Variants in ATG10 observed in about 807,000 individuals in gnomAD.
The protein encoded by ATG10 is ubiquitin-like-conjugating enzyme ATG10.
Under a neutral mutation model 32.1 loss-of-function variants are expected in ATG10, and 30 were observed. The observed-to-expected ratio is 0.94, with a 90% CI of 0.70 to 1.27. ATG10 has a LOEUF of 1.27. Among genes scored for constraint, ATG10 ranks in the 50% most tolerant of loss-of-function variants. The probability of loss-of-function intolerance (pLI) is 0.00; values close to 1 mark genes in which losing one functional copy is unlikely to be tolerated. For synonymous variants in ATG10, 87 were observed against 91.5 expected (o/e 0.95, Z 0.28); for missense variants, 233 against 262.3 (o/e 0.89, Z 0.77).
At chr5:82,007,529 T>C (rs1762016934) in intron 2 of ATG10, among the ~76,000 whole-genome samples, 1 of 152,186 alleles carries the variant, frequency 6.6e-6, no homozygotes. Flanking sequence ...TTCGGTTCAC[T>C]GCAGTCTCCG....
chr5:82,146,595 C>G (rs565295570), intron 3 of ATG10, among the ~76,000 whole-genome samples: 3 of 150,790 alleles, frequency 2.0e-5, no homozygotes, highest in East Asian at 3.9e-4. Context: ...GTCCCAAATA[C>G]TTTGTTCATT....
chr5:82,170,579 A>G (rs1475483343), intron 4 of ATG10, among the ~76,000 whole-genome samples: 1 of 152,212 alleles, frequency 6.6e-6, no homozygotes, highest in Admixed American at 6.5e-5. Context: ...GAGGAAAGCC[A>G]GGAATACAAA....
chr5:82,208,129 C>T (rs1745368988), intron 5 of ATG10, among the ~76,000 whole-genome samples: 10 of 152,168 alleles, frequency 6.6e-5, no homozygotes, highest in African/African-American at 2.4e-5. Context: ...AAAGTTTCCA[C>T]ATGTTCTTGG....
At chr5:82,095,902 G>A (rs1765041545) in intron 3 of ATG10, among the ~76,000 whole-genome samples, 1 of 152,140 alleles carries the variant, frequency 6.6e-6, no homozygotes, top group Non-Finnish European at 1.5e-5. Context: ...AAAATTAACA[G>A]GCATTAATGA....
At chr5:81,983,420 C>T (rs1021055433) in intron 1 of ATG10, among the ~76,000 whole-genome samples, 2 of 144,814 alleles carry the variant, frequency 1.4e-5, no homozygotes, top group African/African-American at 2.6e-5. Flanking sequence ...GGCTGACTCC[C>T]CCACCTCCCT....
At chr5:82,131,022 C>T (rs1256039251) in intron 3 of ATG10, among the ~76,000 whole-genome samples, 3 of 151,996 alleles carry the variant, frequency 2.0e-5, no homozygotes, top group Admixed American at 6.6e-5. Flanking sequence ...AGCTAAGCAT[C>T]GAACACACAT....
At chr5:82,082,156 G>T (rs764753162) in intron 3 of ATG10, among the ~76,000 whole-genome samples, 7 of 152,084 alleles carry the variant, frequency 4.6e-5, no homozygotes, top group Non-Finnish European at 7.3e-5. Context: ...AGATTTGGGG[G>T]GGGGGACACA....
intron 3 of ATG10, among the ~76,000 whole-genome samples, chr5:82,079,705 T>A (rs1447131479): frequency 6.6e-6 from 1 of 152,186 alleles, no homozygotes; most frequent in African/African-American, 2.4e-5. Context: ...TCATCCTTTT[T>A]TATGGCTGCA....
At chr5:82,170,923 G>A (rs889738442) in intron 4 of ATG10, among the ~76,000 whole-genome samples, 2 of 152,066 alleles carry the variant, frequency 1.3e-5, no homozygotes, top group Non-Finnish European at 2.9e-5. Context: ...GTGACAGAGC[G>A]AGACTCTGTC....
intron 5 of ATG10, among the ~76,000 whole-genome samples, chr5:82,237,764 A>G (rs1019191875): frequency 6.6e-6 from 1 of 152,074 alleles, no homozygotes; most frequent in African/African-American, 2.4e-5. Flanking sequence ...CAACCAGCCT[A>G]TCATATATAA....
intron 2 of ATG10, among the ~76,000 whole-genome samples, chr5:81,989,229 C>A (rs1333965553): frequency 6.6e-6 from 1 of 152,176 alleles, no homozygotes. Flanking sequence ...AGTGATGAAT[C>A]CTGATTCTCT....
intron 3 of ATG10, among the ~76,000 whole-genome samples, chr5:82,157,464 C>T (rs2407063): frequency 0.24 from 36,712 of 151,726 alleles, 4,731 homozygotes; most frequent in South Asian, 0.36. Context: ...CAGTCACTTA[C>T]TCAGAAGCCA....
In ATG10 at chr5:82,132,295, A is replaced by T. The variant is rs1211495249; in HGVS notation, c.217-32104A>T. Among the ~76,000 whole-genome samples, 3 of 152,104 alleles carry T rather than the reference A, an allele frequency of 2.0e-5. No individual in the cohort carries two copies. In the East Asian group the frequency reaches 5.8e-4, roughly 29 times the overall value. Reference sequence around the variant, plus strand: ...TTTAAGTTCCGGGATACATGTGCAGAATGTGCAGGTTTGTTACATAGGTAT... The same window carrying T: ...TTTAAGTTCCGGGATACATGTGCAGTATGTGCAGGTTTGTTACATAGGTAT... On this transcript the variant is annotated intron_variant, in intron 3 of 7. Coordinates refer to ENST00000282185, the MANE Select transcript of ATG10 (RefSeq NM_031482.5).
At position 82,136,324 on chromosome 5, in the gene ATG10, C is replaced by T. The variant is rs537183300; in HGVS notation, c.217-28075C>T. 1.5e-3 allele frequency among the ~76,000 whole-genome samples: 235 copies of T among 152,156 alleles called. 2 individuals are homozygous for T. Among genetic ancestry groups the T allele is most frequent in the South Asian group, 6.8e-3 (33 of 4,820 alleles). ...TCATGCAGTTTCTTCATAGTGTCGA[C>T]GGTCTTTACAATTTGATATGTTTTT... is the stretch of plus-strand genomic sequence containing the variant. On this transcript the variant is annotated intron_variant, in intron 3 of 7. Transcript: ENST00000282185.
Position 82,094,132 on chromosome 5 carries a change from C to T in ATG10, c.216+35530C>T, listed in dbSNP as rs182595136. On this transcript the variant is annotated intron_variant, in intron 3 of 7. Coordinates refer to ENST00000282185, the MANE Select transcript of ATG10 (RefSeq NM_031482.5). ...GCGGGAAGCCTTATGGACTTTGCCTCGGTTATACCTTCTTGCACTGTGGCC... is the reference window on the plus strand; with the variant it reads ...GCGGGAAGCCTTATGGACTTTGCCTTGGTTATACCTTCTTGCACTGTGGCC... 2.2e-3 allele frequency among the ~76,000 whole-genome samples: 335 copies of T among 152,248 alleles called. 1 individual carries two copies. The highest frequency in any genetic ancestry group is 6.7e-3 in the African/African-American group (279 of 41,558).
chr5:82,234,129 T>A (rs918247332), intron 5 of ATG10, among the ~76,000 whole-genome samples: 1 of 152,170 alleles, frequency 6.6e-6, no homozygotes, highest in African/African-American at 2.4e-5. Context: ...CAACATTCTG[T>A]GTCCGGTGAT....
intron 4 of ATG10, among the ~76,000 whole-genome samples, chr5:82,177,422 A>G (rs1357835657): frequency 6.6e-6 from 1 of 152,116 alleles, no homozygotes; most frequent in Non-Finnish European, 1.5e-5. Context: ...GTTGCCCTTG[A>G]TGACCAAATA....
intron 2 of ATG10, among the ~76,000 whole-genome samples, chr5:82,004,752 A>G (rs541475147): frequency 6.6e-6 from 1 of 152,188 alleles, no homozygotes; most frequent in Non-Finnish European, 1.5e-5. Flanking sequence ...CTCATCATGC[A>G]CTTGGATGTC....
At chr5:82,216,377 C>G (rs1237277963) in intron 5 of ATG10, among the ~76,000 whole-genome samples, 1 of 152,166 alleles carries the variant, frequency 6.6e-6, no homozygotes, top group African/African-American at 2.4e-5. Context: ...AGTAACTTTC[C>G]TTTTTCATAC....
Sources: gnomAD v4.1 joint callset for allele counts (sites outside exome capture counted in the v4.1 genomes callset) on GRCh38, gnomAD v4.1.1 for gene constraint, MANE v1.5 for transcripts, NCBI Gene and HGNC (gene_info 2026-07-23, HGNC 2026-07-21) for gene names.